The following RNF13 variants were observed in gnomAD, a reference collection of about 807,000 sequenced individuals.
RNF13 encodes E3 ubiquitin-protein ligase RNF13.
In RNF13, 19 loss-of-function variants were observed where a neutral mutation model predicts 37.7. That is an observed-to-expected ratio of 0.50 (90% CI 0.35 to 0.74). The LOEUF is 0.74. Among genes scored for constraint, RNF13 ranks in the 30% least tolerant of loss-of-function variants. The pLI is 0.01. For synonymous variants in RNF13, 144 were observed against 157.8 expected (o/e 0.91, Z 0.65); for missense variants, 375 against 453.0 (o/e 0.83, Z 1.56).
At chr3:149,870,420 C>T (rs994865886) in intron 3 of RNF13, among the ~76,000 whole-genome samples, 26 of 151,534 alleles carry the variant, frequency 1.7e-4, no homozygotes, top group Admixed American at 4.6e-4. Flanking sequence ...TATTTCTGGC[C>T]GTAATCTCAT....
chr3:149,842,771 C>A (rs1722300053), intron 1 of RNF13, among the ~76,000 whole-genome samples: 1 of 151,968 alleles, frequency 6.6e-6, no homozygotes, highest in South Asian at 2.1e-4. Flanking sequence ...TATTTTTGAC[C>A]AGTAGTTTTT....
intron 4 of RNF13, among the ~76,000 whole-genome samples, chr3:149,874,789 G>C (rs1712497100): frequency 6.6e-6 from 1 of 152,094 alleles, no homozygotes; most frequent in African/African-American, 2.4e-5. Context: ...GTGTGACTGG[G>C]TAAGGATAAA....
At chr3:149,863,269 T>TG (rs1421190959) in intron 3 of RNF13, among the ~76,000 whole-genome samples, 3 of 152,262 alleles carry the variant, frequency 2.0e-5, no homozygotes, top group African/African-American at 7.2e-5. Context: ...TGGCAAGTGC[T>TG]GTGGTAAGTA....
chr3:149,861,683 A>G (rs1275886897), intron 3 of RNF13, among the ~76,000 whole-genome samples: 1 of 152,176 alleles, frequency 6.6e-6, no homozygotes, highest in East Asian at 1.9e-4. Context: ...ACAAACATGC[A>G]GTTAGATAGA....
chr3:149,813,451 C>T (rs538550772), intron 1 of RNF13, 98 bp downstream of exon 1: 19 of 152,582 alleles, frequency 1.2e-4, no homozygotes, highest in Admixed American at 5.2e-4. Flanking sequence ...GGAGTCGGCC[C>T]TGCTGCTGAG....
chr3:149,857,812 A>G (rs1723803864), intron 3 of RNF13, among the ~76,000 whole-genome samples: 1 of 152,170 alleles, frequency 6.6e-6, no homozygotes, highest in African/African-American at 2.4e-5. Flanking sequence ...CAAATGGATA[A>G]CCAAGTATTA....
At chr3:149,847,619 G>C (rs565671844) in intron 2 of RNF13, among the ~76,000 whole-genome samples, 1 of 151,954 alleles carries the variant, frequency 6.6e-6, no homozygotes, top group East Asian at 1.9e-4. Context: ...GAATAGTCTT[G>C]GTCTTTTTGA....
At chr3:149,880,859 G>A (rs932301878) in intron 4 of RNF13, among the ~76,000 whole-genome samples, 7 of 151,960 alleles carry the variant, frequency 4.6e-5, no homozygotes, top group African/African-American at 1.7e-4. Flanking sequence ...AACAACCTAT[G>A]GAATATTAAA....
At chr3:149,847,249 T>C (rs898958105) in intron 2 of RNF13, among the ~76,000 whole-genome samples, 6 of 152,226 alleles carry the variant, frequency 3.9e-5, no homozygotes, top group African/African-American at 1.4e-4. Flanking sequence ...AAGTTGAGGA[T>C]ATATATTTTC....
At chr3:149,822,628 G>A (rs552405435) in intron 1 of RNF13, 3 of 152,232 alleles carry the variant, frequency 2.0e-5, no homozygotes, top group African/African-American at 7.2e-5. Context: ...TTTTAGCATA[G>A]TGTTGAACTA....
chr3:149,886,737 A>C (rs1291004356), intron 4 of RNF13, among the ~76,000 whole-genome samples: 2 of 152,226 alleles, frequency 1.3e-5, no homozygotes, highest in Non-Finnish European at 2.9e-5. Context: ...GTGATTTCTC[A>C]TAGATGCTCT....
chr3:149,867,238 T>TATCATATATAGTGACCTTC (rs1483607284), intron 3 of RNF13, among the ~76,000 whole-genome samples: 3 of 152,028 alleles, frequency 2.0e-5, no homozygotes, highest in African/African-American at 7.2e-5. Context: ...TTGACCCCTT[T>TATCATATATAGTGACCTTC]ATCATATATA....
intron 7 of RNF13, among the ~76,000 whole-genome samples, chr3:149,913,284 A>G (rs1286034327): frequency 6.6e-6 from 1 of 152,112 alleles, no homozygotes; most frequent in African/African-American, 2.4e-5. Context: ...AGGATTTTTG[A>G]AATTATATTT....
intron 4 of RNF13, among the ~76,000 whole-genome samples, chr3:149,877,627 CAGT>C (rs1406602554): frequency 6.6e-6 from 1 of 151,866 alleles, no homozygotes; most frequent in Non-Finnish European, 1.5e-5. Flanking sequence ...ACTACTATTT[CAGT>C]AGTAGTAAGC....
At chr3:149,887,868 T>G (rs566617274) in intron 4 of RNF13, among the ~76,000 whole-genome samples, 233 of 152,342 alleles carry the variant, frequency 1.5e-3, no homozygotes, top group Non-Finnish European at 2.9e-3. Context: ...AGAATGTTAA[T>G]TGTAAGAGTT....
At chr3:149,856,899 C>T (rs1166581297) in intron 3 of RNF13, among the ~76,000 whole-genome samples, 1 of 152,214 alleles carries the variant, frequency 6.6e-6, no homozygotes, top group East Asian at 1.9e-4. Flanking sequence ...AGGCGCCCGC[C>T]ACTACGCACG....
intron 1 of RNF13, among the ~76,000 whole-genome samples, chr3:149,841,445 T>C (rs1722168756): frequency 6.6e-6 from 1 of 152,136 alleles, no homozygotes; most frequent in Admixed American, 6.5e-5. Flanking sequence ...TTTGTAGTTT[T>C]CCCCCAAATT....
intron 8 of RNF13, among the ~76,000 whole-genome samples, chr3:149,944,181 T>G (rs1576580386): frequency 6.6e-6 from 1 of 152,324 alleles, no homozygotes; most frequent in East Asian, 1.9e-4. Context: ...TATTCCATGG[T>G]GTATATGTGC....
At position 149,888,162 on chromosome 3, in the gene RNF13, TTTAC is replaced by T. The variant is rs1467756955; in HGVS notation, c.322-7308_322-7305del. ...TTTTTTCTACTTCTATTCTTATTAG[TTTAC>T]TTGTTTTAGTAATAAAATTATGACT... On this transcript the variant is annotated intron_variant, in intron 4 of 9. Coordinates refer to ENST00000392894, the MANE Select transcript of RNF13 (RefSeq NM_183381.3). Among the ~76,000 whole-genome samples the T allele has an allele frequency of 2.6e-5, 4 of 152,222 alleles. No individual in the cohort carries two copies. The South Asian group carries it at 8.3e-4, about 31-fold the overall frequency.
Sources: gnomAD v4.1 joint callset for allele counts (sites outside exome capture counted in the v4.1 genomes callset) on GRCh38, gnomAD v4.1.1 for gene constraint, MANE v1.5 for transcripts, NCBI Gene and HGNC (gene_info 2026-07-23, HGNC 2026-07-21) for gene names.